The following BLOC1S6 variants were observed in gnomAD, a reference collection of about 807,000 sequenced individuals.
The protein encoded by BLOC1S6 is biogenesis of lysosome-related organelles complex 1 subunit 6.
In BLOC1S6, 24 loss-of-function variants were observed where a neutral mutation model predicts 24.7. That is an observed-to-expected ratio of 0.97 (90% CI 0.70 to 1.37). The LOEUF (loss-of-function observed/expected upper bound fraction) is 1.37, where lower values mean the gene tolerates loss of function less well. BLOC1S6 is among the 40% of genes most tolerant of loss of function. The pLI is 0.00. For missense variants in BLOC1S6, 175 were observed against 196.2 expected (o/e 0.89, Z 0.64); for synonymous variants, 76 against 72.6 (o/e 1.05, Z -0.23).
At chr15:45,587,736 T>C (rs1407677009) in intron 1 of BLOC1S6, 3 of 706,236 alleles carry the variant, frequency 4.2e-6, no homozygotes, top group East Asian at 2.7e-5. Context: ...AAGCTTTGTA[T>C]TGGGGGTGCA....
intron 2 of BLOC1S6, among the ~76,000 whole-genome samples, chr15:45,600,614 T>C (rs1463445081): frequency 6.6e-6 from 1 of 152,246 alleles, no homozygotes; most frequent in Non-Finnish European, 1.5e-5. Flanking sequence ...TTGATTGAAT[T>C]TTTGAATATT....
At chr15:45,591,548 T>G (rs1302830931) in intron 1 of BLOC1S6, among the ~76,000 whole-genome samples, 1 of 152,138 alleles carries the variant, frequency 6.6e-6, no homozygotes, top group Non-Finnish European at 1.5e-5. Context: ...TCCTCCCACC[T>G]CAGCCTCCTG....
In BLOC1S6 at chr15:45,587,484, C is replaced by A; in HGVS notation, c.41C>A (p.Thr14Lys). ...CCGTCGTCTCCGGACGGGGCCCTGACACGGCCACCCTACTGCCTGGAGGCC... is the reference window on the plus strand; with the variant it reads ...CCGTCGTCTCCGGACGGGGCCCTGAAACGGCCACCCTACTGCCTGGAGGCC... ...PGPSSPDGAL[T>K]RPPYCLEAGE... The change falls in exon 1 of 5, where the codon ACA becomes AAA. Residue 14 changes from threonine (T) to lysine (K), a missense_variant. Physicochemically the swap from Thr to Lys is moderately conservative, Grantham distance 78. Transcript: ENST00000220531. 6.3e-7 allele frequency: 1 copy of A among 1,585,818 alleles called. No individual in the cohort carries two copies. Among genetic ancestry groups the A allele is most frequent in the Non-Finnish European group, 8.6e-7 (1 of 1,165,782 alleles).
intron 4 of BLOC1S6, 172 bp downstream of exon 4, chr15:45,605,686 T>A: frequency 3.7e-6 from 2 of 536,500 alleles, no homozygotes; most frequent in South Asian, 4.1e-5. Flanking sequence ...GCCTCCGGGG[T>A]TGAAGCGATT....
At chr15:45,587,325 C>T (rs374369176), upstream of BLOC1S6, 13 of 1,008,240 alleles carry the variant, frequency 1.3e-5, no homozygotes, top group South Asian at 2.8e-5. Context: ...TTTTTCGCCC[C>T]CGTCACTTCC....
chr15:45,605,094 T>A (rs1894401467), intron 3 of BLOC1S6, among the ~76,000 whole-genome samples: 2 of 152,242 alleles, frequency 1.3e-5, no homozygotes, highest in Admixed American at 6.5e-5. Flanking sequence ...GTTTTACTTT[T>A]CTTAAATGAA....
At chr15:45,587,746 A>G (rs1893735208) in intron 1 of BLOC1S6, 2 of 704,358 alleles carry the variant, frequency 2.8e-6, no homozygotes, top group Non-Finnish European at 5.2e-6. Flanking sequence ...TTGGGGGTGC[A>G]ATTGAAGGCG....
chr15:45,590,148 A>C (rs1217149275), intron 1 of BLOC1S6, among the ~76,000 whole-genome samples: 2 of 152,078 alleles, frequency 1.3e-5, no homozygotes, highest in Non-Finnish European at 2.9e-5. Context: ...CAGTTGGTAC[A>C]TTAATATCCC....
At position 45,609,518 on chromosome 15, in the gene BLOC1S6, T is replaced by C. The variant is rs1181361083; in HGVS notation, c.*3004T>C. 2.0e-5 allele frequency: 3 copies of C among 152,236 alleles called. No individual in the cohort carries two copies. Among genetic ancestry groups the C allele is most frequent in the African/African-American group, 7.2e-5 (3 of 41,464 alleles). The allele number at this position is 152,236 out of a possible 1,614,324, so 9.4% of individuals were successfully genotyped here. On this transcript the variant is annotated 3_prime_UTR_variant, in exon 5 of 5. Coordinates refer to ENST00000220531, the MANE Select transcript of BLOC1S6 (RefSeq NM_012388.4). ...TGAACTAAAATGATGGGAGTTCATT[T>C]TGTATTTACTTTGCAGTAAGTATCA...
At chr15:45,587,586 G>C (rs1441663776) in intron 1 of BLOC1S6, 61 bp downstream of exon 1, 2 of 1,461,562 alleles carry the variant, frequency 1.4e-6, no homozygotes, top group Non-Finnish European at 1.9e-6. Flanking sequence ...GGACCTGAGT[G>C]AGTAGAACTC....
intron 2 of BLOC1S6, among the ~76,000 whole-genome samples, chr15:45,594,141 G>A (rs541414421): frequency 2.0e-5 from 3 of 152,212 alleles, no homozygotes; most frequent in East Asian, 3.9e-4. Flanking sequence ...CAAACCTTTG[G>A]TAAAGCCTCT....
At chr15:45,589,826 G>C (rs1893818142) in intron 1 of BLOC1S6, among the ~76,000 whole-genome samples, 1 of 149,668 alleles carries the variant, frequency 6.7e-6, no homozygotes, top group African/African-American at 2.6e-5. Flanking sequence ...GGAAGCAGAG[G>C]GTAAAAGAGA....
intron 2 of BLOC1S6, among the ~76,000 whole-genome samples, chr15:45,597,424 C>G (rs987276284): frequency 1.3e-5 from 2 of 152,188 alleles, no homozygotes; most frequent in African/African-American, 4.8e-5. Flanking sequence ...CTGCAGTGAA[C>G]TATGATCATG....
At chr15:45,598,100 C>A (rs1427339309) in intron 2 of BLOC1S6, 1 of 155,908 alleles carries the variant, frequency 6.4e-6, no homozygotes, top group Admixed American at 6.5e-5. Context: ...ATGATTATCT[C>A]AATAGATGCA....
At chr15:45,587,788 T>G in intron 1 of BLOC1S6, 1 of 702,318 alleles carries the variant, frequency 1.4e-6, no homozygotes, top group Non-Finnish European at 2.6e-6. Flanking sequence ...AGTTTATGTG[T>G]TGACTCCGGT....
chr15:45,587,537 CGGGTGG>C lies in BLOC1S6; in HGVS notation c.82+14_82+19del. Reference sequence around the variant, plus strand: ...GGAGCCGACGCCTGGTACGTACTATCGGGTGGGAAGCGCGGCCCGGGCTGGGTGTGA... The same window carrying C: ...GGAGCCGACGCCTGGTACGTACTATCGAAGCGCGGCCCGGGCTGGGTGTGA... On this transcript the variant is annotated intron_variant, in intron 1 of 4. Coordinates refer to ENST00000220531, the MANE Select transcript of BLOC1S6 (RefSeq NM_012388.4). 1.3e-6 allele frequency: 2 copies of C among 1,565,226 alleles called. No individual in the cohort carries two copies. The highest frequency in any genetic ancestry group is 1.2e-5 in the South Asian group (1 of 85,820).
intron 3 of BLOC1S6, among the ~76,000 whole-genome samples, chr15:45,604,641 A>C (rs1000545998): frequency 6.6e-6 from 1 of 152,196 alleles, no homozygotes; most frequent in Non-Finnish European, 1.5e-5. Context: ...ATATGTAAAA[A>C]GGCACTGTAA....
chr15:45,605,501 C>T lies in BLOC1S6; in HGVS notation c.386C>T (p.Thr129Ile). 1 of 1,603,292 alleles carries T rather than the reference C, an allele frequency of 6.2e-7. No homozygotes were observed. Among genetic ancestry groups the T allele is most frequent in the South Asian group, 1.1e-5 (1 of 90,744 alleles). ...GAGATGCTGATGCTTCATGAAAAAA[C>T]ATCAAAGTTAAAAGTGAGTTGAAAA... is the stretch of plus-strand genomic sequence containing the variant. ...RKEMLMLHEK[T>I]SKLKKRALKL... The change falls in exon 4 of 5, where the codon ACA (threonine) becomes ATA (isoleucine). Residue 129 changes from threonine to isoleucine, a missense_variant. Thr to Ile is a moderately conservative substitution (Grantham distance 89). Transcript: ENST00000220531.
chr15:45,587,242 C>G, upstream of BLOC1S6: 2 of 627,796 alleles, frequency 3.2e-6, no homozygotes, highest in East Asian at 2.8e-5. Context: ...GGCCAGACGA[C>G]GATATCAGCG....
Sources: gnomAD v4.1 joint callset for allele counts (sites outside exome capture counted in the v4.1 genomes callset) on GRCh38, gnomAD v4.1.1 for gene constraint, MANE v1.5 for transcripts, NCBI Gene and HGNC (gene_info 2026-07-23, HGNC 2026-07-21) for gene names.